Variants in FAM171B observed in about 807,000 individuals in gnomAD.
The protein encoded by FAM171B is family with sequence similarity 171 member B.
FAM171B carries 19 observed loss-of-function variants against 75.6 expected under a neutral mutation model. The observed-to-expected ratio is 0.25, with a 90% CI of 0.18 to 0.37. The LOEUF (loss-of-function observed/expected upper bound fraction) is 0.37, where lower values mean the gene tolerates loss of function less well. Among genes scored for constraint, FAM171B ranks in the 10% least tolerant of loss-of-function variants. The pLI is 1.00. For missense variants in FAM171B, 848 were observed against 982.4 expected, an observed-to-expected ratio of 0.86 and a Z score of 1.83; for synonymous variants, 367 against 361.7, an observed-to-expected ratio of 1.01 and a Z score of -0.17.
intron 6 of FAM171B, among the ~76,000 whole-genome samples, chr2:186,758,349 A>C (rs534663036): frequency 6.6e-6 from 1 of 152,314 alleles, no homozygotes; most frequent in South Asian, 2.1e-4. Context: ...GCATAACTGC[A>C]ATACTGTTTC....
chr2:186,756,622 C>G (rs1021384386), intron 6 of FAM171B, among the ~76,000 whole-genome samples: 1 of 152,136 alleles, frequency 6.6e-6, no homozygotes, highest in Non-Finnish European at 1.5e-5. Context: ...CAGACACCAA[C>G]CAGTTCTCCA....
chr2:186,739,221 G>A (rs543275506), intron 1 of FAM171B, among the ~76,000 whole-genome samples: 1 of 152,246 alleles, frequency 6.6e-6, no homozygotes, highest in East Asian at 1.9e-4. Context: ...GTGTGTGAAT[G>A]TGAAGCCCTA....
intron 1 of FAM171B, among the ~76,000 whole-genome samples, chr2:186,701,109 C>T (rs1479390626): frequency 4.0e-5 from 6 of 151,756 alleles, no homozygotes; most frequent in Non-Finnish European, 4.4e-5. Context: ...TTAGTAGAGA[C>T]GGGGTTTCAC....
At chr2:186,727,259 G>A (rs1198623511) in intron 1 of FAM171B, among the ~76,000 whole-genome samples, 1 of 152,200 alleles carries the variant, frequency 6.6e-6, no homozygotes, top group Non-Finnish European at 1.5e-5. Context: ...GTACAGAAGA[G>A]GAGATCCCAT....
chr2:186,752,642 G>A (rs1369485626), intron 5 of FAM171B, among the ~76,000 whole-genome samples: 3 of 152,064 alleles, frequency 2.0e-5, no homozygotes, highest in African/African-American at 7.2e-5. Flanking sequence ...TCTGGCCAAG[G>A]CATCTATCTC....
At chr2:186,741,139 G>C (rs1690283389) in intron 2 of FAM171B, among the ~76,000 whole-genome samples, 1 of 152,060 alleles carries the variant, frequency 6.6e-6, no homozygotes, top group African/African-American at 2.4e-5. Context: ...GATGCCATTA[G>C]AAATCATTGA....
intron 5 of FAM171B, among the ~76,000 whole-genome samples, chr2:186,752,413 A>T (rs768434284): frequency 6.6e-6 from 1 of 152,180 alleles, no homozygotes; most frequent in Non-Finnish European, 1.5e-5. Context: ...TGTTTTAAAG[A>T]AAGAGTGGAA....
intron 5 of FAM171B, among the ~76,000 whole-genome samples, chr2:186,752,770 A>G (rs1482074275): frequency 1.3e-5 from 2 of 152,190 alleles, no homozygotes; most frequent in African/African-American, 4.8e-5. Flanking sequence ...CTACCTTATT[A>G]AAATACTTTT....
chr2:186,755,182 G>A (rs1304935231), intron 6 of FAM171B, among the ~76,000 whole-genome samples: 2 of 151,942 alleles, frequency 1.3e-5, no homozygotes, highest in Non-Finnish European at 2.9e-5. Context: ...TCTAACCTGC[G>A]GTAGTCTAGA....
At chr2:186,703,744 C>T (rs1689698042) in intron 1 of FAM171B, among the ~76,000 whole-genome samples, 1 of 151,424 alleles carries the variant, frequency 6.6e-6, no homozygotes, top group Non-Finnish European at 1.5e-5. Context: ...TTCTTTAAAA[C>T]TTGAAACATG....
chr2:186,744,073 A>G (rs1690332302), intron 3 of FAM171B, among the ~76,000 whole-genome samples: 1 of 152,138 alleles, frequency 6.6e-6, no homozygotes. Flanking sequence ...TGTTTTGGGT[A>G]CTGATTCAAA....
In FAM171B at chr2:186,725,256, A is replaced by T. The variant is rs2105780351; in HGVS notation, c.239-14972A>T. Reference sequence around the variant, plus strand: ...CTACTTGGGAGGCTGAAGCAGGAGAATGGTGTTAACCCGGGAGGCGGAGCT... The same window carrying T: ...CTACTTGGGAGGCTGAAGCAGGAGATTGGTGTTAACCCGGGAGGCGGAGCT... On this transcript the variant is annotated intron_variant, in intron 1 of 7. Transcript: ENST00000304698. Among the ~76,000 whole-genome samples the T allele has an allele frequency of 1.3e-5, 2 of 151,616 alleles. 1 individual carries two copies. Among genetic ancestry groups the T allele is most frequent in the South Asian group, 4.2e-4 (2 of 4,768 alleles).
At chr2:186,724,128 G>A (rs79545815) in intron 1 of FAM171B, among the ~76,000 whole-genome samples, 25 of 152,118 alleles carry the variant, frequency 1.6e-4, no homozygotes, top group Non-Finnish European at 3.4e-4. Context: ...AGCAAGTTTG[G>A]TTGCTCTATC....
At chr2:186,760,981 A>G in intron 6 of FAM171B, 132 bp from the exon 7 acceptor site, 1 of 894,946 alleles carries the variant, frequency 1.1e-6, no homozygotes, top group Non-Finnish European at 1.6e-6. Flanking sequence ...ACCCATAGGG[A>G]AATCTGTCAT....
rs61746720 is a variant in FAM171B at position 186,761,617 on chromosome 2, G to A, written c.1275G>A (p.Ser425=). The change falls in exon 8 of 8, where the codon TCG becomes TCA. Residue 425 remains serine, a synonymous_variant. Coordinates refer to ENST00000304698, the MANE Select transcript of FAM171B (RefSeq NM_177454.4). ...TTGCATTAAAAGCTGAGGACAAGTC[G>A]CAGTTATTCAATGCCAAAAACTCCT... is the stretch of plus-strand genomic sequence containing the variant. ...VKVALKAEDK[S]QLFNAKNSSY... 0.015 allele frequency: 24,832 copies of A among 1,613,180 alleles called. 194 individuals are homozygous for A. The highest frequency in any genetic ancestry group is 0.018 in the Non-Finnish European group (20,934 of 1,179,598).
chr2:186,717,080 C>G (rs1169099499), intron 1 of FAM171B, among the ~76,000 whole-genome samples: 2 of 152,122 alleles, frequency 1.3e-5, no homozygotes, highest in Non-Finnish European at 2.9e-5. Context: ...AGAACCCTGT[C>G]TGTTTGGCTC....
intron 4 of FAM171B, among the ~76,000 whole-genome samples, chr2:186,749,483 C>T (rs1046988991): frequency 6.6e-6 from 1 of 152,198 alleles, no homozygotes; most frequent in Admixed American, 6.5e-5. Context: ...GGATGGCTTA[C>T]AAGCATGCCA....
At chr2:186,710,360 A>T (rs1279026317) in intron 1 of FAM171B, among the ~76,000 whole-genome samples, 1 of 152,240 alleles carries the variant, frequency 6.6e-6, no homozygotes, top group Non-Finnish European at 1.5e-5. Context: ...AATTGTGAAG[A>T]GGCAATGTAT....
At position 186,694,075 on chromosome 2, in the gene FAM171B, G is replaced by C. The variant is rs1284760775; in HGVS notation, c.-99G>C. 2 of 1,368,204 alleles carry C rather than the reference G, an allele frequency of 1.5e-6. No individual in the cohort carries two copies. Among genetic ancestry groups the C allele is most frequent in the Non-Finnish European group, 1.9e-6 (2 of 1,063,882 alleles). The allele number at this position is 1,368,204 out of a possible 1,614,324, so 84.8% of individuals were successfully genotyped here. A position where few individuals can be genotyped will look rare whatever the true frequency, so the allele number is the denominator to read the frequency against. On this transcript the variant is annotated 5_prime_UTR_variant, in exon 1 of 8. Transcript: ENST00000304698. ...GGAGTGCTTGGCAGATTGCGCGAGG[G>C]GGAGCGAGCGAGCGGGCGCTGCCAG...
Sources: gnomAD v4.1 joint callset for allele counts (sites outside exome capture counted in the v4.1 genomes callset) on GRCh38, gnomAD v4.1.1 for gene constraint, MANE v1.5 for transcripts, NCBI Gene and HGNC (gene_info 2026-07-23, HGNC 2026-07-21) for gene names.